The following BRAP variants were observed in gnomAD, a reference collection of about 807,000 sequenced individuals.
BRAP encodes BRCA1 associated protein.
In BRAP, 42 loss-of-function variants were observed where a neutral mutation model predicts 73.4. The observed-to-expected ratio is 0.57, with a 90% CI of 0.45 to 0.74. The LOEUF is 0.74. BRAP is among the 30% of genes least tolerant of loss of function. The pLI is 0.00. For synonymous variants in BRAP, 255 were observed against 267.4 expected, an observed-to-expected ratio of 0.95 and a Z score of 0.45; for missense variants, 593 against 751.4, an observed-to-expected ratio of 0.79 and a Z score of 2.46.
At chr12:111,666,290 T>C (rs1004461125) in intron 5 of BRAP, among the ~76,000 whole-genome samples, 1 of 152,132 alleles carries the variant, frequency 6.6e-6, no homozygotes. Flanking sequence ...GTGACCAGAC[T>C]CCTAGCTCAA....
intron 11 of BRAP, among the ~76,000 whole-genome samples, chr12:111,646,590 T>C (rs1325629996): frequency 3.3e-5 from 5 of 152,026 alleles, no homozygotes; most frequent in Admixed American, 1.3e-4. Context: ...CTGGCCAACA[T>C]GGTGAAGCTC....
chr12:111,659,154 G>A, intron 8 of BRAP, 53 bp downstream of exon 8: 1 of 1,577,754 alleles, frequency 6.3e-7, no homozygotes, highest in Non-Finnish European at 8.6e-7. Flanking sequence ...GCGTTGTGAA[G>A]GCAAAGTTTC....
At chr12:111,659,082 G>A in intron 8 of BRAP, 125 bp downstream of exon 8, 1 of 1,232,536 alleles carries the variant, frequency 8.1e-7, no homozygotes, top group Non-Finnish European at 1.1e-6. Context: ...CAGGGAAACT[G>A]AGAATTTGGG....
chr12:111,673,406 A>C (rs1477240630), intron 4 of BRAP: 1 of 151,980 alleles, frequency 6.6e-6, no homozygotes, highest in Non-Finnish European at 1.5e-5. Context: ...CGGGAGGCTG[A>C]GGCAGGAGAA....
intron 1 of BRAP, 162 bp downstream of exon 1, chr12:111,685,549 C>T (rs980670572): frequency 1.5e-6 from 2 of 1,344,388 alleles, no homozygotes; most frequent in Non-Finnish European, 1.9e-6. Flanking sequence ...ACGGGAAGGC[C>T]TCTCAAAGGC....
chr12:111,655,534 T>C (rs1886497258), intron 10 of BRAP, 32 bp downstream of exon 10: 1 of 1,564,100 alleles, frequency 6.4e-7, no homozygotes. Flanking sequence ...CCATGTGTCA[T>C]TTCCGCAGTC....
intron 1 of BRAP, among the ~76,000 whole-genome samples, chr12:111,684,149 C>T (rs1887706053): frequency 6.6e-6 from 1 of 152,152 alleles, no homozygotes; most frequent in Non-Finnish European, 1.5e-5. Context: ...ATCCCTAATA[C>T]ATGCTCTGTC....
intron 5 of BRAP, among the ~76,000 whole-genome samples, chr12:111,667,534 A>T (rs1441564907): frequency 6.6e-6 from 1 of 151,638 alleles, no homozygotes; most frequent in Non-Finnish European, 1.5e-5. Context: ...CCCTGTCTCC[A>T]CTAAAAACAC....
chr12:111,664,315 G>C (rs981183300), intron 6 of BRAP, among the ~76,000 whole-genome samples: 1 of 152,158 alleles, frequency 6.6e-6, no homozygotes, highest in Non-Finnish European at 1.5e-5. Context: ...ACGGGTGACA[G>C]AGCAAGACCC....
In BRAP at chr12:111,642,730, G is replaced by A. The variant is rs1885942607; in HGVS notation, c.*1469C>T. On this transcript the variant is annotated 3_prime_UTR_variant, in exon 12 of 12. Transcript: ENST00000419234. The stretch of plus-strand genomic sequence containing the variant: ...TATCTGTATATATAAGTCCAAGAGA[G>A]ACTCAAAGAGTTGGTCTGCCCTAAG... The A allele has an allele frequency of 6.6e-6, 1 of 152,180 alleles. No individual in the cohort carries two copies. The highest frequency in any genetic ancestry group is 1.5e-5 in the Non-Finnish European group (1 of 68,032). 9.4% of individuals were successfully genotyped at this position (152,180 alleles called of 1,614,324 possible).
chr12:111,683,370 C>A, intron 1 of BRAP, 63 bp from the exon 2 acceptor site: 1 of 1,508,460 alleles, frequency 6.6e-7, no homozygotes, highest in Non-Finnish European at 8.9e-7. Context: ...TTCTCTATTC[C>A]TCTATCATTA....
intron 1 of BRAP, among the ~76,000 whole-genome samples, chr12:111,685,335 T>C (rs1207854273): frequency 6.6e-6 from 1 of 152,210 alleles, no homozygotes; most frequent in Non-Finnish European, 1.5e-5. Flanking sequence ...TGGATATCGT[T>C]CCAAAAGGGA....
chr12:111,645,787 G>C (rs867119204), intron 11 of BRAP, among the ~76,000 whole-genome samples: 1 of 151,938 alleles, frequency 6.6e-6, no homozygotes, highest in Non-Finnish European at 1.5e-5. Flanking sequence ...AAATGAGTTC[G>C]AGACCAGCCT....
intron 11 of BRAP, among the ~76,000 whole-genome samples, chr12:111,647,796 G>A (rs1886162717): frequency 6.6e-6 from 1 of 151,994 alleles, no homozygotes; most frequent in Admixed American, 6.6e-5. Flanking sequence ...TTGGGAGGCT[G>A]AGGCAGGAGA....
intron 11 of BRAP, among the ~76,000 whole-genome samples, chr12:111,647,530 G>C (rs1444817520): frequency 1.3e-5 from 2 of 152,164 alleles, no homozygotes; most frequent in African/African-American, 4.8e-5. Context: ...CTAGATAGCA[G>C]GATCTAGAGG....
At chr12:111,646,320 CACAAAAACCACGA>C (rs1886111082) in intron 11 of BRAP, among the ~76,000 whole-genome samples, 1 of 151,924 alleles carries the variant, frequency 6.6e-6, no homozygotes, top group South Asian at 2.1e-4. Context: ...AACACTCACA[CACAAAAACCACGA>C]ACAAAAAAAC....
Position 111,685,901 on chromosome 12 carries a change from G to A in BRAP, c.-109C>T. On this transcript the variant is annotated 5_prime_UTR_variant, in exon 1 of 12. Coordinates refer to ENST00000419234, the MANE Select transcript of BRAP (RefSeq NM_006768.5). ...GCAGCGCCGCCACCACCTCAATGCA[G>A]TTGCCGCCGCCTCAGCAGCAGCAGC... 8.1e-6 allele frequency: 5 copies of A among 619,820 alleles called. No homozygotes were observed. Among genetic ancestry groups the A allele is most frequent in the African/African-American group, 1.9e-5 (1 of 51,586 alleles). The allele number at this position is 619,820 out of a possible 1,614,324, so 38.4% of individuals were successfully genotyped here. A position where few individuals can be genotyped will look rare whatever the true frequency, so the allele number is the denominator to read the frequency against.
At position 111,675,210 on chromosome 12, in the gene BRAP, G is replaced by A. The variant is rs978926025; in HGVS notation, c.634-2436C>T. On this transcript the variant is annotated intron_variant, in intron 4 of 11. Transcript: ENST00000419234. ...CAGGAGGTGAAAGCTGCAGTGAGCC[G>A]AGATCGTGCCACTGCAGTCCAGCCT... 4.0e-5 allele frequency among the ~76,000 whole-genome samples: 6 copies of A among 151,818 alleles called. No homozygotes were observed. The South Asian group carries it at 1.0e-3, about 26-fold the overall frequency.
intron 11 of BRAP, among the ~76,000 whole-genome samples, chr12:111,646,016 C>A (rs1446567254): frequency 6.6e-6 from 1 of 151,930 alleles, no homozygotes; most frequent in Non-Finnish European, 1.5e-5. Context: ...CCATCTGAGA[C>A]CCAGCAGAGT....
Sources: allele counts gnomAD v4.1 joint callset (sites outside exome capture counted in the v4.1 genomes callset), GRCh38; gene constraint gnomAD v4.1.1; transcripts MANE v1.5; gene names NCBI Gene and HGNC (gene_info 2026-07-23, HGNC 2026-07-21).